Variants in SORCS2 observed in about 807,000 individuals in gnomAD.
SORCS2 encodes the protein sortilin related VPS10 domain containing receptor 2.
Under a neutral mutation model 141.6 loss-of-function variants are expected in SORCS2, and 100 were observed. That is an observed-to-expected ratio of 0.71 (90% CI 0.60 to 0.83). The LOEUF is 0.83. Among genes scored for constraint, SORCS2 ranks in the 40% least tolerant of loss-of-function variants. The pLI is 0.00. For missense variants in SORCS2, 1,646 were observed against 1,560.2 expected, an observed-to-expected ratio of 1.05 and a Z score of -0.93; for synonymous variants, 789 against 676.9, an observed-to-expected ratio of 1.17 and a Z score of -2.57.
At chr4:7,269,348 T>C (rs921482852) in intron 1 of SORCS2, among the ~76,000 whole-genome samples, 1 of 152,246 alleles carries the variant, frequency 6.6e-6, no homozygotes, top group African/African-American at 2.4e-5. Flanking sequence ...CACCATGACA[T>C]GCGGCCAGGT....
chr4:7,739,413 C>G (rs562577602), intron 26 of SORCS2, among the ~76,000 whole-genome samples: 1 of 152,284 alleles, frequency 6.6e-6, no homozygotes, highest in Admixed American at 6.5e-5. Flanking sequence ...CCCCAGCCCC[C>G]GATGGCTTTT....
At chr4:7,289,998 A>G (rs924130872) in intron 1 of SORCS2, among the ~76,000 whole-genome samples, 1 of 151,974 alleles carries the variant, frequency 6.6e-6, no homozygotes, top group African/African-American at 2.4e-5. Context: ...TGGCCTTGGC[A>G]CTCCCAGGCT....
chr4:7,732,724 A>G (rs527594163), intron 23 of SORCS2, among the ~76,000 whole-genome samples: 1 of 150,860 alleles, frequency 6.6e-6, no homozygotes, highest in Admixed American at 6.6e-5. Flanking sequence ...AACTTGGCAC[A>G]CTCCGTAGCC....
chr4:7,515,595 G>C lies in SORCS2; in HGVS notation c.549-15935G>C, dbSNP rs562517872. Among the ~76,000 whole-genome samples the C allele has an allele frequency of 4.6e-5, 7 of 152,322 alleles. No individual in the cohort carries two copies. In the South Asian group the frequency reaches 1.5e-3, roughly 32 times the overall value. On this transcript the variant is annotated intron_variant, in intron 2 of 26. Coordinates refer to ENST00000507866, the MANE Select transcript of SORCS2 (RefSeq NM_020777.3). ...ACCGTCCATCCTGCTGACTTCCCAG[G>C]CTGTGGGGCAGATGCTGCCGCTCGG...
intron 1 of SORCS2, among the ~76,000 whole-genome samples, chr4:7,247,148 G>T (rs1713151369): frequency 6.6e-6 from 1 of 152,174 alleles, no homozygotes; most frequent in Middle Eastern, 3.2e-3. Context: ...GAGCCCAGGG[G>T]TCACCAACAA....
intron 1 of SORCS2, among the ~76,000 whole-genome samples, chr4:7,296,673 C>T (rs1416540743): frequency 6.6e-6 from 1 of 152,218 alleles, no homozygotes; most frequent in Admixed American, 6.5e-5. Context: ...ATCGGAGTAG[C>T]CCCAGCCACT....
chr4:7,678,802 C>T (rs372802511), intron 9 of SORCS2, among the ~76,000 whole-genome samples: 1 of 151,470 alleles, frequency 6.6e-6, no homozygotes, highest in African/African-American at 2.4e-5. Flanking sequence ...AACTCTGGAG[C>T]CTGACTTCCC....
chr4:7,254,020 G>A (rs1222537160), intron 1 of SORCS2, among the ~76,000 whole-genome samples: 7 of 152,164 alleles, frequency 4.6e-5, no homozygotes, highest in Non-Finnish European at 1.0e-4. Context: ...AAGACAAAAA[G>A]TAACAGATGT....
chr4:7,250,233 G>A (rs574524065), intron 1 of SORCS2, among the ~76,000 whole-genome samples: 250 of 140,828 alleles, frequency 1.8e-3, no homozygotes, highest in Middle Eastern at 7.3e-3. Context: ...TTGAGCGAGG[G>A]CTCTGTCTAA....
chr4:7,352,499 G>A (rs1720999725), intron 1 of SORCS2, among the ~76,000 whole-genome samples: 1 of 152,212 alleles, frequency 6.6e-6, no homozygotes, highest in Non-Finnish European at 1.5e-5. Flanking sequence ...GTGAGCTGGG[G>A]TTGGGTGTGT....
chr4:7,207,707 G>A (rs368702252), intron 1 of SORCS2, among the ~76,000 whole-genome samples: 53 of 152,302 alleles, frequency 3.5e-4, no homozygotes, highest in African/African-American at 1.2e-3. Context: ...TTTCTCTAGG[G>A]GGATTTTATG....
At chr4:7,532,118 C>T (rs529305488) in intron 3 of SORCS2, among the ~76,000 whole-genome samples, 10 of 152,254 alleles carry the variant, frequency 6.6e-5, no homozygotes, top group Admixed American at 2.6e-4. Flanking sequence ...GCTGGCTGTA[C>T]AATAGGAGAG....
intron 3 of SORCS2, among the ~76,000 whole-genome samples, chr4:7,548,818 G>A (rs970652564): frequency 6.6e-6 from 1 of 152,216 alleles, no homozygotes; most frequent in African/African-American, 2.4e-5. Flanking sequence ...CAAGCAAAGA[G>A]CAGCCACATC....
intron 1 of SORCS2, among the ~76,000 whole-genome samples, chr4:7,309,972 C>A (rs534889588): frequency 1.8e-4 from 27 of 152,266 alleles, no homozygotes; most frequent in Non-Finnish European, 5.9e-5. Context: ...AAGGAGCAGG[C>A]GCTGGGAAAT....
intron 1 of SORCS2, among the ~76,000 whole-genome samples, chr4:7,341,284 G>C (rs936859193): frequency 2.0e-5 from 3 of 152,332 alleles, no homozygotes; most frequent in African/African-American, 7.2e-5. Context: ...TGCACATGCT[G>C]TTCTTTCTCT....
intron 2 of SORCS2, among the ~76,000 whole-genome samples, chr4:7,475,656 T>C (rs886660292): frequency 3.9e-5 from 6 of 152,240 alleles, no homozygotes; most frequent in African/African-American, 1.4e-4. Context: ...TGACTGTGTG[T>C]GCACCTGTAC....
rs1039225835 is a variant in SORCS2, at chr4:7,566,356, T to G, written c.648+34727T>G. ...TGATGTGATGATGAGGTGATGATGA[T>G]GATGATGACTCTGCTACTGCTGCTG... On this transcript the variant is annotated intron_variant, in intron 3 of 26. Transcript: ENST00000507866. Among the ~76,000 whole-genome samples, 3 of 152,068 alleles carry G rather than the reference T, an allele frequency of 2.0e-5. No individual in the cohort carries two copies. In the South Asian group the frequency reaches 6.2e-4, roughly 32 times the overall value.
chr4:7,692,109 A>T (rs1724296382), intron 11 of SORCS2, among the ~76,000 whole-genome samples: 1 of 152,096 alleles, frequency 6.6e-6, no homozygotes, highest in African/African-American at 2.4e-5. Flanking sequence ...GGGCCAATTG[A>T]TGTGTCCATT....
intron 1 of SORCS2, among the ~76,000 whole-genome samples, chr4:7,244,999 G>A (rs950075459): frequency 3.9e-5 from 6 of 152,196 alleles, no homozygotes; most frequent in Admixed American, 2.0e-4. Context: ...AAGCCACCAT[G>A]GGAACCCAAG....
Sources: allele counts gnomAD v4.1 joint callset (sites outside exome capture counted in the v4.1 genomes callset), GRCh38; gene constraint gnomAD v4.1.1; transcripts MANE v1.5; gene names NCBI Gene and HGNC (gene_info 2026-07-23, HGNC 2026-07-21).